GRM5: variants seen among roughly 807,000 people sequenced by gnomAD.
The protein encoded by GRM5 is metabotropic glutamate receptor 5.
GRM5 carries 19 observed loss-of-function variants against 83.1 expected under a neutral mutation model. The ratio of observed to expected loss-of-function variants is 0.23; its 90% confidence interval spans 0.16 to 0.34. The LOEUF is 0.34. Ranked by LOEUF, GRM5 falls within the 10% of genes least tolerant of loss-of-function variation. GRM5 has a pLI of 1.00. For missense variants in GRM5, 1,160 were observed against 1,588.3 expected (o/e 0.73, Z 4.58); for synonymous variants, 675 against 633.6 (o/e 1.07, Z -0.98).
chr11:88,659,996 T>A (rs1181867826), intron 3 of GRM5, among the ~76,000 whole-genome samples: 1 of 152,362 alleles, frequency 6.6e-6, no homozygotes, highest in Admixed American at 6.5e-5. Context: ...AGTAACAGTC[T>A]CAATGTTTTA....
chr11:88,766,563 A>G (rs1304191051), intron 3 of GRM5, among the ~76,000 whole-genome samples: 1 of 152,078 alleles, frequency 6.6e-6, no homozygotes, highest in Non-Finnish European at 1.5e-5. Flanking sequence ...ATCAAAATGG[A>G]TCAAAGACTT....
At chr11:88,633,735 G>A (rs6483325) in intron 4 of GRM5, among the ~76,000 whole-genome samples, 6,828 of 152,156 alleles carry the variant, frequency 0.045, 282 homozygotes, top group African/African-American at 0.11. Context: ...TGCTTAGACT[G>A]GTCTTGAACT....
chr11:88,890,881 T>C (rs1945133786), intron 2 of GRM5, among the ~76,000 whole-genome samples: 1 of 152,128 alleles, frequency 6.6e-6, no homozygotes, highest in East Asian at 1.9e-4. Context: ...ACTGAACAGT[T>C]TTAAAGGCAA....
intron 3 of GRM5, among the ~76,000 whole-genome samples, chr11:88,734,266 G>A (rs1461984899): frequency 6.6e-6 from 1 of 151,808 alleles, no homozygotes; most frequent in Non-Finnish European, 1.5e-5. Context: ...ATTACGGAGT[G>A]ATGCAAATCA....
chr11:88,587,466 G>T (rs541155602), intron 7 of GRM5, among the ~76,000 whole-genome samples: 34 of 152,186 alleles, frequency 2.2e-4, no homozygotes, highest in African/African-American at 7.5e-4. Flanking sequence ...TCATAGGAGG[G>T]TGGGAAAGAG....
Position 88,507,219 on chromosome 11 carries a change from C to A in GRM5, c.*1373G>T, listed in dbSNP as rs957267861. On this transcript the variant is annotated 3_prime_UTR_variant, in exon 10 of 10. Transcript: ENST00000305447. The stretch of plus-strand genomic sequence containing the variant: ...ATGAAGTGCACAAAATCATATTAAT[C>A]ATTATTTTAAAAAAGAAAATAAGAA... 2.0e-5 allele frequency: 3 copies of A among 152,144 alleles called. No homozygotes were observed. Among genetic ancestry groups the A allele is most frequent in the Non-Finnish European group, 2.9e-5 (2 of 68,036 alleles). 9.4% of individuals were successfully genotyped at this position (152,144 alleles called of 1,614,324 possible).
At chr11:88,890,558 T>C (rs1164481298) in intron 2 of GRM5, among the ~76,000 whole-genome samples, 2 of 152,224 alleles carry the variant, frequency 1.3e-5, no homozygotes, top group Non-Finnish European at 2.9e-5. Flanking sequence ...GTGACTTTAA[T>C]TTTTAAGAAA....
Position 88,508,635 on chromosome 11 carries a change from G to A in GRM5, c.3596C>T (p.Thr1199Ile). ...LCIPSSPKYD[T>I]LIIRDYTQSS... ...CTGAGTGTAATCTCTTATGATAAGA[G>A]TGTCATATTTGGGAGACGACGGGAT... is the stretch of plus-strand genomic sequence containing the variant. Residue 1199 changes from threonine (T) to isoleucine (I), a missense_variant, in exon 10 of 10, where the codon ACT (threonine) becomes ATT (isoleucine). Coordinates refer to ENST00000305447, the MANE Select transcript of GRM5 (RefSeq NM_001143831.3). The surrounding 1 kb of genome is among the most constrained non-coding windows in gnomAD (Gnocchi z 4.2). 1.2e-6 allele frequency: 2 copies of A among 1,610,222 alleles called. No individual in the cohort carries two copies. Among genetic ancestry groups the A allele is most frequent in the South Asian group, 2.2e-5 (2 of 91,044 alleles).
intron 1 of GRM5, among the ~76,000 whole-genome samples, chr11:89,051,444 T>C (rs1182132809): frequency 6.6e-6 from 1 of 152,070 alleles, no homozygotes; most frequent in East Asian, 1.9e-4. Context: ...GCGCGGTGGC[T>C]CACGCCTGTA....
chr11:88,868,989 G>C (rs1400165664), intron 2 of GRM5, among the ~76,000 whole-genome samples: 1 of 151,666 alleles, frequency 6.6e-6, no homozygotes, highest in Non-Finnish European at 1.5e-5. Context: ...CAACTCTGCT[G>C]CACTAATGTC....
chr11:89,041,776 C>T lies in GRM5; in HGVS notation c.661+5436G>A, dbSNP rs373943673. Among the ~76,000 whole-genome samples, 15 of 152,268 alleles carry T rather than the reference C, an allele frequency of 9.9e-5. No individual in the cohort carries two copies. In the South Asian group the frequency reaches 2.1e-3, roughly 21 times the overall value. ...GTTGCCCACTGTGTTTCCCAGATTA[C>T]GGATCCAGATCCAACTTACTAAAGA... On this transcript the variant is annotated intron_variant, in intron 2 of 9. Transcript: ENST00000305447.
rs1939684813 is a variant in GRM5, at chr11:88,653,367, T to A, written c.948A>T (p.Gly316=). The A allele has an allele frequency of 6.2e-7, 1 of 1,612,838 alleles. No individual in the cohort carries two copies. Among genetic ancestry groups the A allele is most frequent in the South Asian group, 1.1e-5 (1 of 91,056 alleles). The change falls in exon 4 of 10, where the codon GGA becomes GGT. Residue 316 remains glycine, a synonymous_variant. Transcript: ENST00000305447. Reference sequence around the variant, plus strand: ...TGCCACCAACAGCTTCTCGCTGATATCCATCTGTCACATCATACCTGTCAG... The same window carrying A: ...TGCCACCAACAGCTTCTCGCTGATAACCATCTGTCACATCATACCTGTCAG... The part of the protein sequence containing the change: ...GWADRYDVTD[G]YQREAVGGIT...
chr11:88,712,172 C>T (rs1941297516), intron 3 of GRM5, among the ~76,000 whole-genome samples: 1 of 152,024 alleles, frequency 6.6e-6, no homozygotes, highest in Middle Eastern at 3.2e-3. Context: ...TATAACTTGG[C>T]TTTTTCAACA....
intron 3 of GRM5, among the ~76,000 whole-genome samples, chr11:88,660,767 G>C (rs1939884848): frequency 1.3e-5 from 2 of 152,138 alleles, no homozygotes; most frequent in Admixed American, 1.3e-4. Context: ...TTATTCCTTA[G>C]ATATGTTAAT....
At chr11:88,925,171 A>G (rs1054308317) in intron 2 of GRM5, among the ~76,000 whole-genome samples, 2 of 152,112 alleles carry the variant, frequency 1.3e-5, no homozygotes, top group African/African-American at 4.8e-5. Flanking sequence ...TTAGCTCAAC[A>G]GTGTCATGAT....
At chr11:88,770,781 A>G (rs1473704907) in intron 3 of GRM5, among the ~76,000 whole-genome samples, 1 of 152,118 alleles carries the variant, frequency 6.6e-6, no homozygotes, top group Non-Finnish European at 1.5e-5. Flanking sequence ...AATGATTTAA[A>G]TCTTTTATGA....
At chr11:89,013,549 T>C (rs570541895) in intron 2 of GRM5, among the ~76,000 whole-genome samples, 48 of 152,300 alleles carry the variant, frequency 3.2e-4, no homozygotes, top group African/African-American at 1.2e-3. Context: ...CTCTCACACC[T>C]GACAATTCTG....
intron 2 of GRM5, among the ~76,000 whole-genome samples, chr11:88,941,494 GA>G (rs1938101037): frequency 1.9e-5 from 2 of 102,884 alleles, no homozygotes; most frequent in Admixed American, 1.1e-4. Context: ...GAGGAGGGGA[GA>G]GGAGGGGAGA....
chr11:88,774,818 T>A (rs1023366444), intron 3 of GRM5, among the ~76,000 whole-genome samples: 1 of 152,166 alleles, frequency 6.6e-6, no homozygotes, highest in African/African-American at 2.4e-5. Flanking sequence ...GTGGATAAGC[T>A]TTTTGATGTG....
Sources: gnomAD v4.1 joint callset for allele counts (sites outside exome capture counted in the v4.1 genomes callset) on GRCh38, gnomAD v4.1.1 for gene constraint, Gnocchi (gnomAD v3.1) non-coding constraint, MANE v1.5 for transcripts, NCBI Gene and HGNC (gene_info 2026-07-23, HGNC 2026-07-21) for gene names.